The following OGG1 variants were observed in gnomAD, a reference collection of about 807,000 sequenced individuals.
OGG1 encodes 8-oxoguanine DNA glycosylase.
OGG1 carries 35 observed loss-of-function variants against 42.3 expected under a neutral mutation model. That is an observed-to-expected ratio of 0.83 (90% confidence interval 0.63 to 1.10). OGG1 has a LOEUF of 1.10. OGG1 is among the 50% of genes least tolerant of loss of function. The probability of loss-of-function intolerance (pLI) is 0.00; values close to 1 mark genes in which losing one functional copy is unlikely to be tolerated. For synonymous variants in OGG1, 189 were observed against 179.0 expected (o/e 1.06, Z -0.44); for missense variants, 484 against 446.7 (o/e 1.08, Z -0.75).
At chr3:9,782,171 C>T (rs376606442) in intron 3 of OGG1, among the ~76,000 whole-genome samples, 10 of 152,272 alleles carry the variant, frequency 6.6e-5, no homozygotes, top group African/African-American at 2.2e-4. Flanking sequence ...CACATGCCTG[C>T]TTTTCTCTCT....
chr3:9,751,288 C>T lies in OGG1; in HGVS notation c.385+96C>T, dbSNP rs2077292634. 3 of 1,261,480 alleles carry T rather than the reference C, an allele frequency of 2.4e-6. No homozygotes were observed. The African/African-American group carries it at 4.4e-5, about 19-fold the overall frequency. 78.1% of individuals were successfully genotyped at this position (1,261,480 alleles called of 1,614,324 possible). A position where few individuals can be genotyped will look rare whatever the true frequency, so the allele number is the denominator to read the frequency against. On this transcript the variant is annotated intron_variant, in intron 2 of 6. Transcript: ENST00000344629. ...ACCTGTAAAATGGGGATTATATCTA[C>T]TTCATAGGCTTTTATGAGGATTTAA...
At chr3:9,751,255 G>C (rs1052100202) in intron 2 of OGG1, 63 bp downstream of exon 2, 68 of 1,562,424 alleles carry the variant, frequency 4.4e-5, no homozygotes, top group Non-Finnish European at 5.7e-5. Context: ...CTATGACTCA[G>C]TTTTGCCACC....
downstream of OGG1, among the ~76,000 whole-genome samples, chr3:9,790,704 C>CA (rs1013577194): frequency 2.6e-5 from 4 of 152,142 alleles, no homozygotes; most frequent in African/African-American, 9.7e-5. Context: ...TGAGTTTTTG[C>CA]AAAAAATTCT....
chr3:9,759,412 T>C, downstream of OGG1: 4 of 1,594,442 alleles, frequency 2.5e-6, no homozygotes, highest in Non-Finnish European at 3.4e-6. Context: ...TGCCAGGTGC[T>C]GTGCAAGCTG....
At chr3:9,767,664 C>G, downstream of OGG1, 1 of 1,614,176 alleles carries the variant, frequency 6.2e-7, no homozygotes, top group Non-Finnish European at 8.5e-7. Flanking sequence ...GCCCTGGACT[C>G]ACGTGCCCAG....
chr3:9,750,109 G>A lies in OGG1; in HGVS notation c.-178G>A, dbSNP rs180953043. 3 of 821,580 alleles carry A rather than the reference G, an allele frequency of 3.7e-6. No individual in the cohort carries two copies. Among genetic ancestry groups the A allele is most frequent in the Non-Finnish European group, 5.6e-6 (3 of 537,358 alleles). 50.9% of individuals were successfully genotyped at this position (821,580 alleles called of 1,614,324 possible). ...GCACGAAGCGGGGCTTTGATGACCC[G>A]CAAAGGGCGAGGCATGCAGGAGGTG... On this transcript the variant is annotated 5_prime_UTR_variant, in exon 1 of 7. Coordinates refer to ENST00000344629, the MANE Select transcript of OGG1 (RefSeq NM_002542.6).
At chr3:9,763,112 G>T in intron 7 of OGG1, 1 of 1,614,150 alleles carries the variant, frequency 6.2e-7, no homozygotes, top group Non-Finnish European at 8.5e-7. Flanking sequence ...AGAGGTGTGG[G>T]GGCAGGGCAG....
chr3:9,783,156 T>G (rs1228299566), intron 3 of OGG1: 1 of 152,242 alleles, frequency 6.6e-6, no homozygotes, highest in African/African-American at 2.4e-5. Context: ...ATGTTTATTG[T>G]ATGATTCTTT....
At chr3:9,765,000 G>C (rs1362729627) in intron 7 of OGG1, among the ~76,000 whole-genome samples, 2 of 151,952 alleles carry the variant, frequency 1.3e-5, no homozygotes, top group Non-Finnish European at 2.9e-5. Flanking sequence ...GCCGAGGCGG[G>C]TGGATCACCT....
chr3:9,782,747 T>C (rs957582502), intron 3 of OGG1, among the ~76,000 whole-genome samples: 1 of 142,740 alleles, frequency 7.0e-6, no homozygotes, highest in African/African-American at 2.6e-5. Flanking sequence ...GCCGAGATCA[T>C]GGCACTGCAC....
chr3:9,765,619 G>A, intron 7 of OGG1: 4 of 999,118 alleles, frequency 4.0e-6, no homozygotes, highest in South Asian at 1.5e-5. Context: ...CCTGCCAAGT[G>A]GAAATTGTGA....
At chr3:9,764,566 CCT>C (rs1177089890) in intron 7 of OGG1, among the ~76,000 whole-genome samples, 1 of 151,250 alleles carries the variant, frequency 6.6e-6, no homozygotes, top group African/African-American at 2.4e-5. Context: ...CCCACTTCAG[CCT>C]CTCAAAGTGC....
downstream of OGG1, chr3:9,760,625 G>T (rs770675137): frequency 1.2e-6 from 2 of 1,611,768 alleles, no homozygotes; most frequent in African/African-American, 2.7e-5. Context: ...CAGAGGCAGG[G>T]CCCAGGGGAA....
At chr3:9,785,758 CAT>C (rs1323765826) in intron 3 of OGG1, among the ~76,000 whole-genome samples, 3 of 152,230 alleles carry the variant, frequency 2.0e-5, no homozygotes, top group African/African-American at 7.2e-5. Context: ...GTCCGAATGC[CAT>C]ACTCTTCTTT....
intron 2 of OGG1, chr3:9,780,566 G>T: frequency 6.3e-7 from 1 of 1,593,368 alleles, no homozygotes; most frequent in Non-Finnish European, 8.5e-7. Context: ...GGACCAGCCA[G>T]CCAGGTGCCA....
intron 2 of OGG1, among the ~76,000 whole-genome samples, chr3:9,772,120 C>T (rs959361155): frequency 6.6e-6 from 1 of 152,166 alleles, no homozygotes; most frequent in Non-Finnish European, 1.5e-5. Flanking sequence ...GCCCAGCTGA[C>T]TTGTACAGCT....
At chr3:9,788,970 G>A (rs1412513402), downstream of OGG1, among the ~76,000 whole-genome samples, 1 of 151,890 alleles carries the variant, frequency 6.6e-6, no homozygotes, top group Non-Finnish European at 1.5e-5. Flanking sequence ...CGAGTAGCTG[G>A]GACTACAGGC....
At chr3:9,785,293 G>C (rs758265611) in intron 3 of OGG1, 1 of 1,579,828 alleles carries the variant, frequency 6.3e-7, no homozygotes, top group Non-Finnish European at 8.7e-7. Context: ...CAGACTGTGG[G>C]TTGTGGATAG....
intron 2 of OGG1, among the ~76,000 whole-genome samples, chr3:9,773,717 G>C (rs574505947): frequency 1.3e-5 from 2 of 150,530 alleles, no homozygotes; most frequent in Admixed American, 1.3e-4. Flanking sequence ...TTTTGAGACA[G>C]GGCCTCACTC....
Sources: allele counts gnomAD v4.1 joint callset (sites outside exome capture counted in the v4.1 genomes callset), GRCh38; gene constraint gnomAD v4.1.1; transcripts MANE v1.5; gene names NCBI Gene and HGNC (gene_info 2026-07-23, HGNC 2026-07-21).